ANO3: variants seen among roughly 807,000 people sequenced by gnomAD.
The protein encoded by ANO3 is anoctamin 3.
Under a neutral mutation model 144.8 loss-of-function variants are expected in ANO3, and 99 were observed. The observed-to-expected ratio is 0.68, with a 90% CI of 0.58 to 0.81. The LOEUF is 0.81. Among genes scored for constraint, ANO3 ranks in the 30% least tolerant of loss-of-function variants. The probability of loss-of-function intolerance (pLI) is 0.00; values close to 1 mark genes in which losing one functional copy is unlikely to be tolerated. For synonymous variants in ANO3, 414 were observed against 392.6 expected (o/e 1.05, Z -0.64); for missense variants, 905 against 1,202.2 (o/e 0.75, Z 3.66).
intron 1 of ANO3, among the ~76,000 whole-genome samples, chr11:26,300,621 T>C (rs1015421962): frequency 6.6e-6 from 1 of 152,176 alleles, no homozygotes; most frequent in African/African-American, 2.4e-5. Flanking sequence ...GGCAGTCACA[T>C]AGGAACAAAC....
At chr11:26,211,443 C>T (rs1851930250) in intron 1 of ANO3, among the ~76,000 whole-genome samples, 1 of 151,886 alleles carries the variant, frequency 6.6e-6, no homozygotes, top group African/African-American at 2.4e-5. Context: ...TTTATGTGGC[C>T]AATGAACATA....
chr11:26,426,778 A>G (rs1857933424), intron 1 of ANO3, among the ~76,000 whole-genome samples: 1 of 152,198 alleles, frequency 6.6e-6, no homozygotes, highest in African/African-American at 2.4e-5. Flanking sequence ...TCTGCAGCCC[A>G]ATATCAAGAA....
chr11:26,374,006 T>A (rs955228113), intron 1 of ANO3, among the ~76,000 whole-genome samples: 2 of 152,212 alleles, frequency 1.3e-5, no homozygotes, highest in Non-Finnish European at 2.9e-5. Flanking sequence ...TGATAGGTAG[T>A]GCTTCCATGC....
At chr11:26,302,966 G>T (rs1190804932) in intron 1 of ANO3, among the ~76,000 whole-genome samples, 1 of 152,104 alleles carries the variant, frequency 6.6e-6, no homozygotes, top group Non-Finnish European at 1.5e-5. Context: ...AATCATCAGA[G>T]AAATGCAAAT....
chr11:26,205,656 A>C (rs1479913471), intron 1 of ANO3, among the ~76,000 whole-genome samples: 1 of 152,196 alleles, frequency 6.6e-6, no homozygotes, highest in African/African-American at 2.4e-5. Flanking sequence ...TATGGCCTTC[A>C]CTATCAAGCT....
intron 13 of ANO3, chr11:26,558,941 AG>A (rs1364944458): frequency 1.3e-5 from 2 of 152,122 alleles, no homozygotes. Flanking sequence ...TGTGCTGGCC[AG>A]ACATTTTTTG....
chr11:26,547,567 C>T lies in ANO3; in HGVS notation c.1289+17C>T, dbSNP rs773873753. On this transcript the variant is annotated intron_variant, in intron 12 of 26. Transcript: ENST00000256737. ...TCAAGTAAGGTAGGCTATTAAGAGA[C>T]CTATTAAAAATATTTGGCTTGTCTT... 1 of 1,608,044 alleles carries T rather than the reference C, an allele frequency of 6.2e-7. No homozygotes were observed. The highest frequency in any genetic ancestry group is 8.5e-7 in the Non-Finnish European group (1 of 1,175,960).
intron 17 of ANO3, among the ~76,000 whole-genome samples, chr11:26,613,483 C>A (rs549233427): frequency 1.7e-4 from 26 of 152,196 alleles, no homozygotes; most frequent in African/African-American, 6.3e-4. Context: ...TTAGGAATTT[C>A]ATAAATTTTC....
At chr11:26,541,410 G>A (rs425702) in intron 10 of ANO3, among the ~76,000 whole-genome samples, 15,348 of 152,072 alleles carry the variant, frequency 0.1, 939 homozygotes, top group African/African-American at 0.16. Context: ...AAACTTGCAC[G>A]TTCTGCACAT....
upstream of ANO3, among the ~76,000 whole-genome samples, chr11:26,329,551 G>C (rs1304778533): frequency 6.6e-6 from 1 of 152,182 alleles, no homozygotes; most frequent in Non-Finnish European, 1.5e-5. Context: ...TTAACTTTAT[G>C]ACAAGATAGT....
upstream of ANO3, among the ~76,000 whole-genome samples, chr11:26,331,156 G>C (rs1371146139): frequency 2.6e-5 from 4 of 152,110 alleles, no homozygotes; most frequent in Non-Finnish European, 1.5e-5. Flanking sequence ...GACACAATGG[G>C]GGAACAACAC....
At chr11:26,573,000 C>T (rs1850885942) in intron 14 of ANO3, among the ~76,000 whole-genome samples, 1 of 152,164 alleles carries the variant, frequency 6.6e-6, no homozygotes, top group Non-Finnish European at 1.5e-5. Flanking sequence ...ATACTTCCTA[C>T]ACTTCCTTTC....
intron 1 of ANO3, among the ~76,000 whole-genome samples, chr11:26,315,686 CATCTATCT>C (rs764949318): frequency 2.8e-5 from 3 of 108,228 alleles, no homozygotes; most frequent in African/African-American, 5.8e-5. Flanking sequence ...TCTATCTATC[CATCTATCT>C]ATCTATCTAT....
At chr11:26,219,461 T>C (rs1284160353) in intron 1 of ANO3, among the ~76,000 whole-genome samples, 2 of 152,158 alleles carry the variant, frequency 1.3e-5, no homozygotes, top group African/African-American at 4.8e-5. Flanking sequence ...CTTGTTTTCA[T>C]TATGGTTAAG....
chr11:26,300,018 A>C (rs1223953583), intron 1 of ANO3, among the ~76,000 whole-genome samples: 1 of 152,066 alleles, frequency 6.6e-6, no homozygotes, highest in Non-Finnish European at 1.5e-5. Context: ...CTTCTAGGAG[A>C]GTGGGAGAAT....
At chr11:26,205,676 A>G (rs540826884) in intron 1 of ANO3, among the ~76,000 whole-genome samples, 1 of 152,266 alleles carries the variant, frequency 6.6e-6, no homozygotes, top group South Asian at 2.1e-4. Flanking sequence ...TGTTTTGAAT[A>G]TACCTGGCTT....
chr11:26,261,007 G>A (rs1853175603), intron 1 of ANO3, among the ~76,000 whole-genome samples: 1 of 152,116 alleles, frequency 6.6e-6, no homozygotes, highest in Non-Finnish European at 1.5e-5. Flanking sequence ...CAACAAAACA[G>A]CTAACCATAC....
At chr11:26,270,211 G>A (rs762815656) in intron 1 of ANO3, among the ~76,000 whole-genome samples, 3 of 152,090 alleles carry the variant, frequency 2.0e-5, no homozygotes, top group African/African-American at 2.4e-5. Flanking sequence ...TCTCCACTAC[G>A]TACACTGGAA....
chr11:26,429,049 G>A (rs1183224332), intron 1 of ANO3, among the ~76,000 whole-genome samples: 3 of 152,152 alleles, frequency 2.0e-5, no homozygotes, highest in Non-Finnish European at 4.4e-5. Context: ...GAGAAGTCAC[G>A]GTAGTGCCAT....
Sources: allele counts gnomAD v4.1 joint callset (sites outside exome capture counted in the v4.1 genomes callset), GRCh38; gene constraint gnomAD v4.1.1; transcripts MANE v1.5; gene names NCBI Gene and HGNC (gene_info 2026-07-23, HGNC 2026-07-21).